The following PTPRG variants were observed in gnomAD, a reference collection of about 807,000 sequenced individuals.
PTPRG encodes the protein receptor-type tyrosine-protein phosphatase gamma.
A neutral mutation model predicts 165.3 loss-of-function variants in PTPRG; 102 were observed. That is an observed-to-expected ratio of 0.62 (90% CI 0.53 to 0.73). PTPRG has a LOEUF of 0.73. Among genes scored for constraint, PTPRG ranks in the 30% least tolerant of loss-of-function variants. The pLI is 0.00. For synonymous variants in PTPRG, 675 were observed against 669.5 expected, an observed-to-expected ratio of 1.01 and a Z score of -0.13; for missense variants, 1,866 against 1,861.4, an observed-to-expected ratio of 1.00 and a Z score of -0.05.
chr3:61,718,991 C>T (rs922317775), intron 1 of PTPRG, among the ~76,000 whole-genome samples: 1 of 152,132 alleles, frequency 6.6e-6, no homozygotes, highest in Non-Finnish European at 1.5e-5. Flanking sequence ...CCCCAACAAT[C>T]CATCAAGAAT....
chr3:61,915,363 T>C (rs1009055880), intron 2 of PTPRG, among the ~76,000 whole-genome samples: 2 of 152,240 alleles, frequency 1.3e-5, no homozygotes, highest in Non-Finnish European at 1.5e-5. Flanking sequence ...TCCCCCTATT[T>C]TCCTGTTCTG....
intron 4 of PTPRG, among the ~76,000 whole-genome samples, chr3:62,063,130 C>T (rs1462689358): frequency 1.3e-5 from 2 of 152,202 alleles, no homozygotes; most frequent in African/African-American, 4.8e-5. Context: ...ATGATTTACC[C>T]CTGATCTTAG....
At chr3:61,601,442 T>G (rs942062264) in intron 1 of PTPRG, among the ~76,000 whole-genome samples, 2 of 152,214 alleles carry the variant, frequency 1.3e-5, no homozygotes, top group African/African-American at 4.8e-5. Flanking sequence ...AGTTTTATTA[T>G]CTAGAGGAAA....
chr3:62,078,290 A>G (rs1701458362), intron 5 of PTPRG, 32 bp downstream of exon 5: 1 of 1,443,114 alleles, frequency 6.9e-7, no homozygotes, highest in Non-Finnish European at 9.5e-7. Context: ...TACTTCAAAG[A>G]ATTCTTTGAG....
At chr3:62,276,614 G>A in intron 24 of PTPRG, 1 of 202,862 alleles carries the variant, frequency 4.9e-6, no homozygotes, top group Non-Finnish European at 9.9e-6. Flanking sequence ...GAAAGGGGTT[G>A]GTAAAAGGAC....
intron 2 of PTPRG, among the ~76,000 whole-genome samples, chr3:61,868,666 A>C (rs1419304921): frequency 2.0e-5 from 3 of 152,158 alleles, no homozygotes; most frequent in Non-Finnish European, 4.4e-5. Context: ...TTGTTACAGA[A>C]AATTCTGTGT....
At chr3:61,705,829 C>T (rs1466769941) in intron 1 of PTPRG, among the ~76,000 whole-genome samples, 1 of 152,176 alleles carries the variant, frequency 6.6e-6, no homozygotes, top group African/African-American at 2.4e-5. Context: ...GTGAGGTGCC[C>T]TCTTCAATGG....
intron 1 of PTPRG, among the ~76,000 whole-genome samples, chr3:61,620,643 T>C (rs536944755): frequency 6.6e-6 from 1 of 152,246 alleles, no homozygotes; most frequent in South Asian, 2.1e-4. Flanking sequence ...TTTTTCTTTT[T>C]TGAAATGGAG....
chr3:62,277,084 T>A, intron 25 of PTPRG, 36 bp downstream of exon 25: 1 of 1,553,132 alleles, frequency 6.4e-7, no homozygotes, highest in South Asian at 1.1e-5. Flanking sequence ...TAAAGTCAAC[T>A]AAACTGAAAG....
chr3:61,793,443 G>A (rs2034950370), intron 2 of PTPRG, among the ~76,000 whole-genome samples: 1 of 152,174 alleles, frequency 6.6e-6, no homozygotes. Flanking sequence ...TTTTGGCTTT[G>A]TGATGGCAAC....
chr3:62,082,381 C>T (rs13098574), intron 5 of PTPRG, among the ~76,000 whole-genome samples: 23,702 of 152,058 alleles, frequency 0.16, 2,083 homozygotes, highest in South Asian at 0.26. Flanking sequence ...TCCAATGAAC[C>T]CTTACATTGG....
At chr3:61,765,672 C>T (rs968010472) in intron 2 of PTPRG, among the ~76,000 whole-genome samples, 3 of 152,114 alleles carry the variant, frequency 2.0e-5, no homozygotes, top group East Asian at 3.9e-4. Flanking sequence ...TGACAGGCTA[C>T]CGTGATCCAG....
At chr3:62,006,098 A>G (rs1270951498) in intron 4 of PTPRG, among the ~76,000 whole-genome samples, 1 of 152,056 alleles carries the variant, frequency 6.6e-6, no homozygotes, top group African/African-American at 2.4e-5. Flanking sequence ...CTAATTAGAA[A>G]TGGCAGCCAC....
At chr3:62,093,052 G>A (rs549738000) in intron 5 of PTPRG, among the ~76,000 whole-genome samples, 2 of 152,280 alleles carry the variant, frequency 1.3e-5, no homozygotes, top group African/African-American at 2.4e-5. Context: ...AAATAATACC[G>A]ATGCTCAGGT....
At chr3:62,077,629 A>T (rs916624375) in intron 4 of PTPRG, among the ~76,000 whole-genome samples, 1 of 152,200 alleles carries the variant, frequency 6.6e-6, no homozygotes, top group Admixed American at 6.5e-5. Context: ...GCATGAATGC[A>T]TTGTAGTTAT....
intron 1 of PTPRG, among the ~76,000 whole-genome samples, chr3:61,646,049 G>A (rs943711227): frequency 6.6e-6 from 1 of 152,178 alleles, no homozygotes; most frequent in African/African-American, 2.4e-5. Flanking sequence ...CCTCCATTCA[G>A]AGAGAGTAAC....
intron 2 of PTPRG, among the ~76,000 whole-genome samples, chr3:61,862,446 A>C (rs662818): frequency 1.4e-3 from 193 of 142,886 alleles, no homozygotes; most frequent in African/African-American, 4.6e-3. Flanking sequence ...CAATGGCGTG[A>C]TCTTGGCTCA....
At chr3:61,591,427 T>A (rs751587419) in intron 1 of PTPRG, among the ~76,000 whole-genome samples, 9 of 152,192 alleles carry the variant, frequency 5.9e-5, no homozygotes, top group Admixed American at 6.5e-5. Flanking sequence ...GCAGGCCAAG[T>A]TTGTATGAAT....
At chr3:61,924,156 G>A (rs1344716223) in intron 2 of PTPRG, among the ~76,000 whole-genome samples, 2 of 152,090 alleles carry the variant, frequency 1.3e-5, no homozygotes, top group Admixed American at 1.3e-4. Flanking sequence ...GTGTACTGCT[G>A]TAGTGTGTTC....
Sources: gnomAD v4.1 joint callset for allele counts (sites outside exome capture counted in the v4.1 genomes callset) on GRCh38, gnomAD v4.1.1 for gene constraint, MANE v1.5 for transcripts, NCBI Gene and HGNC (gene_info 2026-07-23, HGNC 2026-07-21) for gene names.